The following CDK15 variants were observed in gnomAD, a reference collection of about 807,000 sequenced individuals.
CDK15 encodes cyclin-dependent kinase 15.
CDK15 carries 62 observed loss-of-function variants against 60.3 expected under a neutral mutation model. The ratio of observed to expected loss-of-function variants is 1.03; its 90% confidence interval spans 0.84 to 1.27. CDK15 has a LOEUF of 1.27. Ranked by LOEUF, CDK15 falls within the 50% of genes most tolerant of loss-of-function variation. CDK15 has a pLI of 0.00. For synonymous variants in CDK15, 194 were observed against 195.7 expected, an observed-to-expected ratio of 0.99 and a Z score of 0.07; for missense variants, 541 against 527.8, an observed-to-expected ratio of 1.03 and a Z score of -0.25.
chr2:201,823,782 C>A, intron 6 of CDK15, 55 bp downstream of exon 6: 2 of 1,430,012 alleles, frequency 1.4e-6, no homozygotes, highest in South Asian at 1.1e-5. Context: ...AAGGAGAATT[C>A]TGAAACAGAC....
rs1699268689 is a variant in CDK15, at chr2:201,881,249, G to A, written c.1198+1082G>A. Among the ~76,000 whole-genome samples the A allele has an allele frequency of 2.6e-5, 4 of 152,158 alleles. No homozygotes were observed. In the South Asian group the frequency reaches 8.3e-4, roughly 31 times the overall value. On this transcript the variant is annotated intron_variant, in intron 12 of 13. Transcript: ENST00000652192. ...AAGCGCTTAGTTTGGGACTTGCTGA[G>A]GCATTCTGTTTTATGACTAAAGTGA...
intron 6 of CDK15, among the ~76,000 whole-genome samples, chr2:201,829,453 G>A (rs1696653669): frequency 6.6e-6 from 1 of 152,166 alleles, no homozygotes; most frequent in Non-Finnish European, 1.5e-5. Flanking sequence ...TTTTTTTCTG[G>A]ATCTGAGTAT....
intron 4 of CDK15, among the ~76,000 whole-genome samples, chr2:201,818,377 A>T (rs1019481506): frequency 1.3e-5 from 2 of 152,226 alleles, no homozygotes; most frequent in African/African-American, 4.8e-5. Flanking sequence ...AGGATACATT[A>T]ATAATAAAAA....
intron 6 of CDK15, among the ~76,000 whole-genome samples, chr2:201,824,276 A>T (rs1696364977): frequency 6.6e-6 from 1 of 152,198 alleles, no homozygotes; most frequent in African/African-American, 2.4e-5. Flanking sequence ...CTAAGGTTTT[A>T]TTGGCATTAA....
rs139355496 is a variant in CDK15 at position 201,871,261 on chromosome 2, G to C, written c.1010-1017G>C. On this transcript the variant is annotated intron_variant, in intron 10 of 13. Transcript: ENST00000652192. ...TGCAGCCTCAACCTCCTAGGCTCAGGTGATCCTCCCAGTTCACCCTTTCAA... is the reference window on the plus strand; with the variant it reads ...TGCAGCCTCAACCTCCTAGGCTCAGCTGATCCTCCCAGTTCACCCTTTCAA... Among the ~76,000 whole-genome samples, 477 of 152,192 alleles carry C rather than the reference G, an allele frequency of 3.1e-3. 1 individual carries two copies. The highest frequency in any genetic ancestry group is 0.011 in the African/African-American group (448 of 41,516).
At chr2:201,855,084 T>A (rs1054175878) in intron 10 of CDK15, 147 bp downstream of exon 10, 4 of 676,738 alleles carry the variant, frequency 5.9e-6, no homozygotes, top group African/African-American at 5.3e-5. Context: ...CCCTGACTAA[T>A]CTTTGTATGA....
chr2:201,871,321 A>T (rs548520463), intron 10 of CDK15, among the ~76,000 whole-genome samples: 303 of 151,988 alleles, frequency 2.0e-3, no homozygotes, highest in African/African-American at 6.9e-3. Context: ...CACCAGGCTC[A>T]GTTGTTGTTG....
chr2:201,885,050 G>A (rs1699409648), intron 12 of CDK15, among the ~76,000 whole-genome samples: 1 of 152,148 alleles, frequency 6.6e-6, no homozygotes, highest in Admixed American at 6.5e-5. Context: ...TGGAGAGGAA[G>A]GGCATACGGG....
At chr2:201,835,160 T>C (rs1675180763) in intron 7 of CDK15, among the ~76,000 whole-genome samples, 2 of 152,152 alleles carry the variant, frequency 1.3e-5, no homozygotes, top group Admixed American at 6.5e-5. Context: ...AAACTTAACT[T>C]TCTTTCGCAT....
intron 8 of CDK15, among the ~76,000 whole-genome samples, chr2:201,837,628 C>A (rs925406429): frequency 6.6e-6 from 1 of 152,040 alleles, no homozygotes; most frequent in Non-Finnish European, 1.5e-5. Flanking sequence ...CATCCTAGAA[C>A]GGCAGTGTTA....
intron 3 of CDK15, among the ~76,000 whole-genome samples, chr2:201,811,316 A>T (rs1186003487): frequency 6.6e-6 from 1 of 151,656 alleles, no homozygotes; most frequent in Non-Finnish European, 1.5e-5. Flanking sequence ...ACACCCGGCT[A>T]ATTTTTTGTA....
intron 11 of CDK15, among the ~76,000 whole-genome samples, chr2:201,872,598 G>C (rs184103705): frequency 1.3e-5 from 2 of 152,074 alleles, no homozygotes; most frequent in East Asian, 3.9e-4. Flanking sequence ...GTGTTGGTCT[G>C]CAAGAAAACC....
Position 201,880,172 on chromosome 2 carries a change from G to T in CDK15, c.1198+5G>T, listed in dbSNP as rs541448053. 5.6e-6 allele frequency: 9 copies of T among 1,613,808 alleles called. No individual in the cohort carries two copies. The East Asian group carries it at 2.0e-4, about 36-fold the overall frequency. ...AGCTGTACCAGCTTCCTGATGGTGAGCGAGGGAGTGTGTGCGTGTGCGTGA... is the reference window on the plus strand; with the variant it reads ...AGCTGTACCAGCTTCCTGATGGTGATCGAGGGAGTGTGTGCGTGTGCGTGA... On this transcript the variant is annotated splice_donor_5th_base_variant and intron_variant, in intron 12 of 13. Transcript: ENST00000652192.
chr2:201,886,226 A>G (rs1310248546), intron 12 of CDK15, among the ~76,000 whole-genome samples: 1 of 151,804 alleles, frequency 6.6e-6, no homozygotes, highest in African/African-American at 2.4e-5. Flanking sequence ...AGAGATTTAC[A>G]CCCCAGGACC....
intron 12 of CDK15, among the ~76,000 whole-genome samples, chr2:201,885,690 T>C (rs1400663937): frequency 6.6e-6 from 1 of 152,202 alleles, no homozygotes; most frequent in Non-Finnish European, 1.5e-5. Context: ...CGTTCATGGC[T>C]GAGTCTCCAA....
chr2:201,812,002 C>T (rs1351291517), intron 3 of CDK15, among the ~76,000 whole-genome samples: 1 of 151,802 alleles, frequency 6.6e-6, no homozygotes, highest in African/African-American at 2.4e-5. Context: ...GTGAAACCCC[C>T]ATCTCTGCTA....
chr2:201,861,540 T>C (rs1698390749), intron 10 of CDK15: 5 of 981,968 alleles, frequency 5.1e-6, no homozygotes. Flanking sequence ...TTCAGTTTTT[T>C]TTGTTGGTTT....
intron 12 of CDK15, among the ~76,000 whole-genome samples, chr2:201,887,062 G>A (rs1175060568): frequency 1.3e-5 from 2 of 152,174 alleles, no homozygotes; most frequent in East Asian, 3.9e-4. Flanking sequence ...GTTCATTGCA[G>A]TGTTGTCTAT....
At chr2:201,846,180 T>A (rs1210543502) in intron 8 of CDK15, among the ~76,000 whole-genome samples, 1 of 151,936 alleles carries the variant, frequency 6.6e-6, no homozygotes, top group Non-Finnish European at 1.5e-5. Flanking sequence ...TGTGTGAACA[T>A]CAAATGAGCC....
Sources: allele counts gnomAD v4.1 joint callset (sites outside exome capture counted in the v4.1 genomes callset), GRCh38; gene constraint gnomAD v4.1.1; transcripts MANE v1.5; gene names NCBI Gene and HGNC (gene_info 2026-07-23, HGNC 2026-07-21).